The following BLTP1 variants were observed in gnomAD, a reference collection of about 807,000 sequenced individuals.
BLTP1 encodes bridge-like lipid transfer protein family member 1, also known as fragile site-associated protein.
the BLTP1 span, chr4:122,227,422 C>G: frequency 2.3e-4 from 226 of 985,008 alleles, no homozygotes; most frequent in Non-Finnish European, 2.6e-4. Flanking sequence ...GCAATAAATA[C>G]TCTCCCTTAT....
the BLTP1 span, among the ~76,000 whole-genome samples, chr4:122,191,743 CT>C: frequency 6.6e-6 from 1 of 152,018 alleles, no homozygotes; most frequent in African/African-American, 2.4e-5. Flanking sequence ...ATACTCCTCC[CT>C]TTTCTATCTA....
the BLTP1 span, among the ~76,000 whole-genome samples, chr4:122,280,713 A>G: frequency 6.6e-6 from 1 of 151,058 alleles, no homozygotes; most frequent in South Asian, 2.1e-4. Context: ...AATTTGTCTT[A>G]CGTTTTATTT....
the BLTP1 span, chr4:122,257,129 T>C: frequency 1.0e-6 from 1 of 989,170 alleles, no homozygotes. Context: ...TTACTTAACA[T>C]CTAAGTTTTA....
At chr4:122,179,924 G>A in the BLTP1 span, 1 of 984,980 alleles carries the variant, frequency 1.0e-6, no homozygotes, top group Non-Finnish European at 1.2e-6. Flanking sequence ...GATCAATGGA[G>A]GCATATCCCC....
chr4:122,347,104 T>A, the BLTP1 span: 1 of 982,070 alleles, frequency 1.0e-6, no homozygotes, highest in Non-Finnish European at 1.2e-6. Flanking sequence ...CTTTTAAATA[T>A]CCAAGTTAAT....
the BLTP1 span, chr4:122,246,729 C>T: frequency 1.4e-5 from 22 of 1,611,386 alleles, no homozygotes; most frequent in South Asian, 3.3e-5. Context: ...TCTCCAACTA[C>T]GGCTCCTAGT....
At chr4:122,249,618 T>C in the BLTP1 span, 51 of 1,613,724 alleles carry the variant, frequency 3.2e-5, no homozygotes, top group Non-Finnish European at 4.2e-5. Context: ...CTCGAATAGG[T>C]CCCAGCCAAG....
the BLTP1 span, among the ~76,000 whole-genome samples, chr4:122,302,988 A>G: frequency 9.2e-5 from 14 of 152,252 alleles, no homozygotes; most frequent in Non-Finnish European, 1.6e-4. Context: ...CTGAGGATCA[A>G]GCTAGAATAA....
At chr4:122,183,872 T>C in the BLTP1 span, among the ~76,000 whole-genome samples, 2 of 152,086 alleles carry the variant, frequency 1.3e-5, no homozygotes, top group African/African-American at 4.8e-5. Flanking sequence ...TCCTAAATAC[T>C]GAAAATAATT....
the BLTP1 span, among the ~76,000 whole-genome samples, chr4:122,339,727 A>G: frequency 6.6e-6 from 1 of 152,174 alleles, no homozygotes; most frequent in Non-Finnish European, 1.5e-5. Context: ...ACTTTTGAAT[A>G]TCTTTTATCT....
the BLTP1 span, chr4:122,234,084 T>C: frequency 6.5e-6 from 1 of 154,374 alleles, no homozygotes; most frequent in African/African-American, 2.4e-5. Context: ...AATAAAGGTA[T>C]ATCTCACAGA....
chr4:122,167,924 A>G, the BLTP1 span: 2 of 982,224 alleles, frequency 2.0e-6, no homozygotes, highest in Non-Finnish European at 2.4e-6. Flanking sequence ...TTTGCAATAG[A>G]TTACCATAAG....
the BLTP1 span, among the ~76,000 whole-genome samples, chr4:122,324,063 T>C: frequency 6.6e-6 from 1 of 152,046 alleles, no homozygotes; most frequent in African/African-American, 2.4e-5. Context: ...ATCTTTTGTC[T>C]CCACTGCCCC....
chr4:122,256,275 T>A, the BLTP1 span, among the ~76,000 whole-genome samples: 1 of 152,216 alleles, frequency 6.6e-6, no homozygotes, highest in Non-Finnish European at 1.5e-5. Context: ...GCTGGTGTAG[T>A]ACTTTTTACT....
the BLTP1 span, chr4:122,186,223 G>A: frequency 6.2e-7 from 1 of 1,605,590 alleles, no homozygotes; most frequent in Non-Finnish European, 8.5e-7. Context: ...AAATTGAAAG[G>A]TTCAGTATCA....
At chr4:122,230,260 A>C in the BLTP1 span, 43 of 1,486,346 alleles carry the variant, frequency 2.9e-5, no homozygotes, top group Admixed American at 7.6e-4. Context: ...CAGATGAAAA[A>C]AACTAGATAA....
At chr4:122,200,999 T>G in the BLTP1 span, 137 of 1,605,910 alleles carry the variant, frequency 8.5e-5, no homozygotes, top group Non-Finnish European at 1.1e-4. Context: ...ACCTAACATT[T>G]GTTTTGCAGT....
At chr4:122,293,845 A>G in the BLTP1 span, among the ~76,000 whole-genome samples, 1 of 152,182 alleles carries the variant, frequency 6.6e-6, no homozygotes, top group Non-Finnish European at 1.5e-5. Context: ...GAGAGCTGCC[A>G]TCTCTGCAGT....
At chr4:122,220,180 G>A in the BLTP1 span, 1 of 360,114 alleles carries the variant, frequency 2.8e-6, no homozygotes, top group Non-Finnish European at 3.9e-6. Context: ...ATCCTACTGA[G>A]GTACAGAATA....
Sources: gnomAD v4.1 joint callset for allele counts (sites outside exome capture counted in the v4.1 genomes callset) on GRCh38, gnomAD v4.1.1 for gene constraint, MANE v1.5 for transcripts, NCBI Gene and HGNC (gene_info 2026-07-23, HGNC 2026-07-21) for gene names.